Variants in SGK1 observed in about 807,000 individuals in gnomAD.
SGK1 encodes the protein serum/glucocorticoid regulated kinase 1.
A neutral mutation model predicts 64.2 loss-of-function variants in SGK1; 26 were observed. That is an observed-to-expected ratio of 0.40 (90% CI 0.30 to 0.56). SGK1 has a LOEUF of 0.56. Ranked by LOEUF, SGK1 falls within the 20% of genes least tolerant of loss-of-function variation. The probability of loss-of-function intolerance (pLI) is 0.38; values close to 1 mark genes in which losing one functional copy is unlikely to be tolerated. For missense variants in SGK1, 519 were observed against 645.6 expected (o/e 0.80, Z 2.12); for synonymous variants, 265 against 239.7 (o/e 1.11, Z -0.98).
chr6:134,222,358 G>A (rs1196733091), intron 2 of SGK1, among the ~76,000 whole-genome samples: 2 of 147,614 alleles, frequency 1.4e-5, no homozygotes, highest in Non-Finnish European at 3.0e-5. Flanking sequence ...TTTTTGAGAC[G>A]GAGTTTCACT....
rs1182975623 is a variant in SGK1 at position 134,317,398 on chromosome 6, C to A, written c.63G>T (p.Lys21Asn). The A allele has an allele frequency of 3.8e-6, 6 of 1,597,538 alleles. No individual in the cohort carries two copies. In the African/African-American group the frequency reaches 8.0e-5, roughly 21 times the overall value. Reference sequence around the variant, plus strand: ...AAGCAAAACCTGTCCTTACCCGCTTCTTAAAAAATTGGAAGGCTGAGCATT... The same window carrying A: ...AAGCAAAACCTGTCCTTACCCGCTTATTAAAAAATTGGAAGGCTGAGCATT... ...VKKCSAFQFF[K>N]KRVRRWIKSP... is the part of the protein sequence containing the mutation. The change falls in exon 1 of 14, where the codon AAG becomes AAT. Residue 21 changes from lysine (K) to asparagine (N), a missense_variant. Physicochemically the swap from Lys to Asn is moderately conservative, Grantham distance 94. This residue lies in a region of SGK1 where 241 missense variants were observed against 236.9 expected (regional missense o/e 1.02). Transcript: ENST00000367858.
intron 3 of SGK1, among the ~76,000 whole-genome samples, chr6:134,196,714 T>C (rs1333100831): frequency 1.3e-5 from 2 of 152,184 alleles, no homozygotes; most frequent in East Asian, 1.9e-4. Context: ...GGTTACCTGT[T>C]CTAAGATAGA....
chr6:134,206,369 ATATATATATATATATTTTTTTTTTTTTTT>A (rs1562250360), intron 3 of SGK1, among the ~76,000 whole-genome samples: 31 of 7,490 alleles, frequency 4.1e-3, no homozygotes, highest in African/African-American at 7.7e-3. Context: ...ATATATATAT[ATATATATATATATATTTTTTTTTTTTTTT>A]TTTTTTTTTA....
intron 2 of SGK1, among the ~76,000 whole-genome samples, chr6:134,217,450 C>T (rs1208671165): frequency 6.6e-6 from 1 of 152,158 alleles, no homozygotes; most frequent in African/African-American, 2.4e-5. Flanking sequence ...CCCACCGGAC[C>T]ACTACTGCCT....
intron 2 of SGK1, among the ~76,000 whole-genome samples, chr6:134,234,065 G>A (rs1776328374): frequency 6.6e-6 from 1 of 152,070 alleles, no homozygotes; most frequent in Admixed American, 6.5e-5. Context: ...CCAAATTTAA[G>A]CAAGAAAAAA....
intron 3 of SGK1, among the ~76,000 whole-genome samples, chr6:134,205,359 TAAAAC>T (rs1775752689): frequency 6.6e-6 from 1 of 151,478 alleles, no homozygotes; most frequent in Admixed American, 6.6e-5. Context: ...AAAGATATAA[TAAAAC>T]AAGACAGAAA....
chr6:134,301,567 T>C (rs531952913), intron 1 of SGK1, among the ~76,000 whole-genome samples: 2 of 145,874 alleles, frequency 1.4e-5, no homozygotes, highest in African/African-American at 2.6e-5. Flanking sequence ...TCTTCTCTTC[T>C]CTTCTCTTCT....
At chr6:134,267,124 C>T (rs1256746793) in intron 1 of SGK1, among the ~76,000 whole-genome samples, 1 of 152,118 alleles carries the variant, frequency 6.6e-6, no homozygotes, top group African/African-American at 2.4e-5. Context: ...TCCCCTGACT[C>T]CCTGAACACC....
At chr6:134,207,639 C>G (rs973365896) in intron 2 of SGK1, among the ~76,000 whole-genome samples, 2 of 152,150 alleles carry the variant, frequency 1.3e-5, no homozygotes, top group African/African-American at 4.8e-5. Context: ...CCTGGGCAAA[C>G]CGGGACAGTT....
intron 1 of SGK1, among the ~76,000 whole-genome samples, chr6:134,273,639 C>A (rs566745718): frequency 7.7e-6 from 1 of 130,374 alleles, no homozygotes; most frequent in South Asian, 2.5e-4. Context: ...TTAAAGGAAG[C>A]CAGGTGAAGA....
chr6:134,295,127 C>A (rs1391649009), intron 1 of SGK1, among the ~76,000 whole-genome samples: 1 of 152,032 alleles, frequency 6.6e-6, no homozygotes, highest in Non-Finnish European at 1.5e-5. Flanking sequence ...TCCTGCCCCC[C>A]AAGGGATGTC....
intron 2 of SGK1, chr6:134,214,942 A>G (rs374913593): frequency 1.5e-5 from 6 of 396,736 alleles, no homozygotes; most frequent in African/African-American, 8.4e-5. Context: ...AAGAAAGATC[A>G]TATTTAGAAG....
chr6:134,306,378 G>A (rs1253213940), intron 1 of SGK1, among the ~76,000 whole-genome samples: 6 of 151,772 alleles, frequency 4.0e-5, no homozygotes, highest in South Asian at 2.1e-4. Context: ...AGCCAAGATC[G>A]CAACACTGCA....
intron 3 of SGK1, among the ~76,000 whole-genome samples, chr6:134,179,906 A>C (rs1444894831): frequency 6.6e-6 from 1 of 152,164 alleles, no homozygotes; most frequent in African/African-American, 2.4e-5. Context: ...AATTAAAGAG[A>C]AGCCAGTGGG....
chr6:134,174,437 C>G (rs1775142166), intron 4 of SGK1, 74 bp downstream of exon 4: 3 of 1,076,862 alleles, frequency 2.8e-6, no homozygotes, highest in Non-Finnish European at 4.2e-6. Context: ...TCCCGATAAA[C>G]GCCGTGATGA....
chr6:134,316,333 A>G (rs76149821), intron 1 of SGK1, among the ~76,000 whole-genome samples: 1 of 152,116 alleles, frequency 6.6e-6, no homozygotes. Context: ...GTGGCACAGA[A>G]AGGACCTGAA....
intron 2 of SGK1, among the ~76,000 whole-genome samples, chr6:134,215,985 T>C (rs1199053160): frequency 1.3e-5 from 2 of 152,156 alleles, no homozygotes; most frequent in Non-Finnish European, 2.9e-5. Context: ...CACTGCACTC[T>C]AGCCTGGGTG....
At chr6:134,176,769 C>G (rs1197528225) in intron 3 of SGK1, among the ~76,000 whole-genome samples, 1 of 152,192 alleles carries the variant, frequency 6.6e-6, no homozygotes, top group Admixed American at 6.5e-5. Context: ...GTTTGTTTTG[C>G]AGGCAAAACC....
chr6:134,278,466 C>T (rs1777048840), intron 1 of SGK1, among the ~76,000 whole-genome samples: 1 of 152,098 alleles, frequency 6.6e-6, no homozygotes, highest in Non-Finnish European at 1.5e-5. Flanking sequence ...GTCTTATTAC[C>T]ACTCTCTGAT....
Sources: allele counts gnomAD v4.1 joint callset (sites outside exome capture counted in the v4.1 genomes callset), GRCh38; gene constraint gnomAD v4.1.1; regional missense constraint gnomAD v4.1.1; transcripts MANE v1.5; gene names NCBI Gene and HGNC (gene_info 2026-07-23, HGNC 2026-07-21).